HSPD1: variants seen among roughly 807,000 people sequenced by gnomAD.
HSPD1 encodes 60 kDa heat shock protein, mitochondrial.
In HSPD1, 3 loss-of-function variants were observed where a neutral mutation model predicts 53.0. The observed-to-expected ratio is 0.06, with a 90% confidence interval of 0.03 to 0.15. HSPD1 has a LOEUF of 0.15. Ranked by LOEUF, HSPD1 falls within the 10% of genes least tolerant of loss-of-function variation. The pLI is 1.00. For synonymous variants in HSPD1, 200 were observed against 228.0 expected (o/e 0.88, Z 1.10); for missense variants, 431 against 694.1 (o/e 0.62, Z 4.26).
intron 7 of HSPD1, among the ~76,000 whole-genome samples, chr2:197,491,177 C>CTT (rs1196099992): frequency 6.8e-6 from 1 of 147,488 alleles, no homozygotes. Flanking sequence ...GGCCTCAAGT[C>CTT]TTTTTTTTGT....
chr2:197,494,064 T>TG lies in HSPD1; in HGVS notation c.700+92_700+93insC, dbSNP rs2086126930. On this transcript the variant is annotated intron_variant, in intron 6 of 11. Coordinates refer to ENST00000388968, the MANE Select transcript of HSPD1 (RefSeq NM_002156.5). ...TTGCAGTGAGCAACGCGCCACCACA[T>TG]CATGCCACTGCACTCCAGCCGGGGC... 1.6e-5 allele frequency: 11 copies of TG among 701,122 alleles called. No individual in the cohort carries two copies. The Admixed American group carries it at 2.3e-4, about 15-fold the overall frequency. 43.4% of individuals were successfully genotyped at this position (701,122 alleles called of 1,614,324 possible).
chr2:197,490,872 G>A (rs540994915), intron 7 of HSPD1, among the ~76,000 whole-genome samples: 1 of 152,266 alleles, frequency 6.6e-6, no homozygotes, highest in East Asian at 1.9e-4. Flanking sequence ...TTTTGAATGA[G>A]CAATGTTCTG....
Position 197,498,160 on chromosome 2 carries a change from A to G in HSPD1, c.174+515T>C, listed in dbSNP as rs112729982. Among the ~76,000 whole-genome samples the G allele has an allele frequency of 2.6e-4, 40 of 152,320 alleles. 2 individuals carry two copies. Among genetic ancestry groups the G allele is most frequent in the African/African-American group, 9.4e-4 (39 of 41,574 alleles). ...TACAAAGTTACAATTTTTCCATATA[A>G]AAAGTTTTGGAGATGGATGGTGGTG... On this transcript the variant is annotated intron_variant, in intron 2 of 11. Transcript: ENST00000388968.
rs2086170040 is a variant in HSPD1, at chr2:197,497,269, C to T, written c.298G>A (p.Asp100Asn). ...TCTTCATTTGTGTTATTGGCAACAT[C>T]TTGAACAAGTTTAGCTCCAATGTTT... ...YKNIGAKLVQ[D>N]VANNTNEEAG... The change falls in exon 3 of 12, where the codon GAT (aspartate) becomes AAT (asparagine). Residue 100 changes from aspartate (D) to asparagine (N), a missense_variant. By Grantham distance (23) the Asp-to-Asn change is conservative. Transcript: ENST00000388968. The T allele has an allele frequency of 1.2e-6, 2 of 1,614,112 alleles. No homozygotes were observed. The highest frequency in any genetic ancestry group is 1.7e-6 in the Non-Finnish European group (2 of 1,179,964).
At chr2:197,496,536 A>C (rs2086159214) in intron 3 of HSPD1, among the ~76,000 whole-genome samples, 1 of 152,164 alleles carries the variant, frequency 6.6e-6, no homozygotes, top group Non-Finnish European at 1.5e-5. Context: ...TGATAGGAAA[A>C]CCAAGTCTTA....
chr2:197,495,783 C>A (rs1461058832), intron 3 of HSPD1, among the ~76,000 whole-genome samples: 1 of 152,192 alleles, frequency 6.6e-6, no homozygotes, highest in African/African-American at 2.4e-5. Flanking sequence ...TAAATTTACA[C>A]ACAGCTTCTG....
chr2:197,498,127 C>A (rs2605039), intron 2 of HSPD1, among the ~76,000 whole-genome samples: 107,415 of 152,118 alleles, frequency 0.71, 38,677 homozygotes, highest in Middle Eastern at 0.86. Context: ...AAGCTACTGT[C>A]TAATGAGTAC....
rs554102271 is a variant in HSPD1 at position 197,492,585 on chromosome 2, AC to A, written c.869+738del. Reference sequence around the variant, plus strand: ...TTTTAACCAGAAAAACCTTAAAAAAACAAAACAAAACAAAACAAAAAACAAG... The same window carrying A: ...TTTTAACCAGAAAAACCTTAAAAAAAAAAACAAAACAAAACAAAAAACAAG... On this transcript the variant is annotated intron_variant, in intron 7 of 11. Coordinates refer to ENST00000388968, the MANE Select transcript of HSPD1 (RefSeq NM_002156.5). Among the ~76,000 whole-genome samples, 801 of 152,234 alleles carry A rather than the reference AC, an allele frequency of 5.3e-3. 6 individuals carry two copies. The highest frequency in any genetic ancestry group is 0.018 in the African/African-American group (731 of 41,546).
At chr2:197,490,497 TATTA>T (rs1227686877) in intron 7 of HSPD1, 3 of 587,144 alleles carry the variant, frequency 5.1e-6, no homozygotes, top group Non-Finnish European at 9.1e-6. Flanking sequence ...GGCTATTTTC[TATTA>T]ATTATACTTG....
intron 8 of HSPD1, 88 bp downstream of exon 8, chr2:197,490,106 TGTA>T (rs1285992221): frequency 3.1e-6 from 3 of 952,976 alleles, no homozygotes; most frequent in Non-Finnish European, 5.1e-6. Context: ...AACAGATAGT[TGTA>T]GTATCTAATT....
chr2:197,492,846 C>T (rs1480291565), intron 7 of HSPD1, among the ~76,000 whole-genome samples: 2 of 151,846 alleles, frequency 1.3e-5, no homozygotes, highest in Admixed American at 6.6e-5. Context: ...CCTGTCTCTA[C>T]TAAAAATACA....
rs865995607 is a variant in HSPD1, at chr2:197,495,269, A to C, written c.510+25T>G. On this transcript the variant is annotated intron_variant, in intron 4 of 11. Transcript: ENST00000388968. ...ACATGCCATTAAATTTTTTTTAAAA[A>C]ACGTGTAACATGTTAAGTCCTTACC... 3 of 1,445,932 alleles carry C rather than the reference A, an allele frequency of 2.1e-6. No individual in the cohort carries two copies. In the Middle Eastern group the frequency reaches 6.2e-4, roughly 298 times the overall value. 89.6% of individuals were successfully genotyped at this position (1,445,932 alleles called of 1,614,324 possible).
chr2:197,490,364 G>A, intron 7 of HSPD1, 68 bp from the exon 8 acceptor site: 2 of 1,207,336 alleles, frequency 1.7e-6, no homozygotes. Flanking sequence ...TTCCCCTCAA[G>A]CTGTTACTAG....
intron 7 of HSPD1, among the ~76,000 whole-genome samples, chr2:197,492,708 A>G (rs774064853): frequency 6.6e-6 from 1 of 151,880 alleles, no homozygotes; most frequent in Non-Finnish European, 1.5e-5. Context: ...AAAAATAAAA[A>G]TAAAAAATAA....
intron 2 of HSPD1, 133 bp from the exon 3 acceptor site, chr2:197,497,525 AGCAT>A: frequency 1.1e-6 from 1 of 874,948 alleles, no homozygotes; most frequent in Non-Finnish European, 1.9e-6. Context: ...TCAGTCTTGC[AGCAT>A]GAACCTCAAG....
chr2:197,494,307 T>A (rs2086130610), intron 5 of HSPD1, 57 bp from the exon 6 acceptor site: 2 of 878,512 alleles, frequency 2.3e-6, no homozygotes, highest in Middle Eastern at 2.2e-4. Context: ...AACATGGAAT[T>A]ACAGGCCAGA....
chr2:197,493,306 A>G lies in HSPD1; in HGVS notation c.869+18T>C, dbSNP rs1390911561. On this transcript the variant is annotated intron_variant, in intron 7 of 11. Coordinates refer to ENST00000388968, the MANE Select transcript of HSPD1 (RefSeq NM_002156.5). ...TTTCACCGAGAAATATAAATCAACA[A>G]ATACCACTGCTTATTACCTATTCAA... 6.2e-7 allele frequency: 1 copy of G among 1,603,252 alleles called. No individual in the cohort carries two copies. The highest frequency in any genetic ancestry group is 2.2e-5 in the East Asian group (1 of 44,848).
At chr2:197,498,877 A>T (rs775461423) in intron 1 of HSPD1, 27 bp from the exon 2 acceptor site, 1 of 1,608,160 alleles carries the variant, frequency 6.2e-7, no homozygotes, top group South Asian at 1.1e-5. Flanking sequence ...AAAGATCATC[A>T]GAACTACCAC....
Position 197,496,853 on chromosome 2 carries a change from T to C in HSPD1, c.427+287A>G, listed in dbSNP as rs1428165088. On this transcript the variant is annotated intron_variant, in intron 3 of 11. Transcript: ENST00000388968. ...TTGGAGGCTGAGGCAGGAGGATTGC[T>C]TGAGCCCAGGAGTTCCAGTGCAGTC... is the stretch of plus-strand genomic sequence containing the variant. The C allele has an allele frequency of 2.6e-5, 11 of 427,594 alleles. No individual in the cohort carries two copies. The East Asian group carries it at 5.4e-4, about 21-fold the overall frequency. The allele number at this position is 427,594 out of a possible 1,614,324, so 26.5% of individuals were successfully genotyped here.
Sources: allele counts gnomAD v4.1 joint callset (sites outside exome capture counted in the v4.1 genomes callset), GRCh38; gene constraint gnomAD v4.1.1; transcripts MANE v1.5; gene names NCBI Gene and HGNC (gene_info 2026-07-23, HGNC 2026-07-21).